Variants in ARAP2 observed in about 807,000 individuals in gnomAD.
ARAP2 encodes the protein ArfGAP with RhoGAP domain, ankyrin repeat and PH domain 2.
ARAP2 carries 148 observed loss-of-function variants against 194.5 expected under a neutral mutation model. The observed-to-expected ratio is 0.76, with a 90% CI of 0.67 to 0.87. The LOEUF is 0.87. Among genes scored for constraint, ARAP2 ranks in the 40% least tolerant of loss-of-function variants. The pLI is 0.00. For synonymous variants in ARAP2, 695 were observed against 683.5 expected, an observed-to-expected ratio of 1.02 and a Z score of -0.26; for missense variants, 2,128 against 1,989.7, an observed-to-expected ratio of 1.07 and a Z score of -1.32.
intron 2 of ARAP2, among the ~76,000 whole-genome samples, chr4:36,215,876 C>G (rs747334169): frequency 1.3e-4 from 20 of 151,744 alleles, no homozygotes; most frequent in Non-Finnish European, 2.7e-4. Flanking sequence ...ACAAAGCACA[C>G]ACACAAGAAC....
In ARAP2 at chr4:36,210,472, C is replaced by T; in HGVS notation, c.1405G>A (p.Ala469Thr). The change falls in exon 6 of 33, where the codon GCA (alanine) becomes ACA (threonine). Residue 469 changes from alanine (A) to threonine (T), a missense_variant. Physicochemically the swap from Ala to Thr is moderately conservative, Grantham distance 58 (BLOSUM62 0). Coordinates refer to ENST00000303965, the MANE Select transcript of ARAP2 (RefSeq NM_015230.4). Reference protein sequence around the residue: ...NADSSAVSSQAISPYACFYGA... With the variant: ...NADSSAVSSQTISPYACFYGA... ...TAAAAGCAGGCATAGGGAGATATTG[C>T]CTGTGAAGAAACGGCTGATGAATCA... 6.2e-7 allele frequency: 1 copy of T among 1,613,878 alleles called. No individual in the cohort carries two copies. The highest frequency in any genetic ancestry group is 8.5e-7 in the Non-Finnish European group (1 of 1,179,852).
At chr4:36,213,346 C>T (rs2109281355) in intron 3 of ARAP2, 27 bp from the exon 4 acceptor site, 1 of 1,479,616 alleles carries the variant, frequency 6.8e-7, no homozygotes, top group South Asian at 1.2e-5. Context: ...AGGATGAGAA[C>T]AGAAAGATGT....
intron 19 of ARAP2, 38 bp from the exon 20 acceptor site, chr4:36,133,427 C>T (rs763935456): frequency 2.6e-6 from 4 of 1,566,484 alleles, no homozygotes; most frequent in Non-Finnish European, 3.5e-6. Context: ...TATAATTTTG[C>T]TCTTTAAAAA....
chr4:36,112,958 G>C (rs1270554908), intron 26 of ARAP2, among the ~76,000 whole-genome samples: 1 of 151,880 alleles, frequency 6.6e-6, no homozygotes, highest in Non-Finnish European at 1.5e-5. Flanking sequence ...GGTAACATGA[G>C]AAAAGATGGC....
chr4:36,080,219 G>A lies in ARAP2; in HGVS notation c.4605C>T (p.Ala1535=). Reference sequence around the variant, plus strand: ...ATAGTTCAAACAAATCTCGTACCTGGGCAATAAAGATACTGGTCATCCACT... The same window carrying A: ...ATAGTTCAAACAAATCTCGTACCTGAGCAATAAAGATACTGGTCATCCACT... ...QTEWMTSIFI[A]QHEYDIWPPA... is the part of the protein sequence containing the mutation. The change falls in exon 31 of 33, where the codon GCC becomes GCT. Residue 1535 remains alanine, a synonymous_variant. Transcript: ENST00000303965. 6.2e-7 allele frequency: 1 copy of A among 1,612,340 alleles called. No homozygotes were observed. The highest frequency in any genetic ancestry group is 8.5e-7 in the Non-Finnish European group (1 of 1,178,796).
chr4:36,212,375 T>G, intron 5 of ARAP2, 21 bp downstream of exon 5: 2 of 1,560,588 alleles, frequency 1.3e-6, no homozygotes, highest in Non-Finnish European at 1.8e-6. Context: ...TAGTTAATCA[T>G]CATCAATCAT....
chr4:36,027,578 A>G (rs1027853601), intron 5 of ARAP2, among the ~76,000 whole-genome samples: 2 of 151,920 alleles, frequency 1.3e-5, no homozygotes, highest in Non-Finnish European at 2.9e-5. Context: ...AAAAATAACC[A>G]CAACAATAAC....
chr4:36,119,737 G>A lies in ARAP2; in HGVS notation c.3895-19C>T, dbSNP rs188770494. The A allele has an allele frequency of 3.4e-5, 52 of 1,530,698 alleles. No homozygotes were observed. Among genetic ancestry groups the A allele is most frequent in the East Asian group, 2.3e-4 (10 of 44,026 alleles). 94.8% of individuals were successfully genotyped at this position (1,530,698 alleles called of 1,614,324 possible). A position where few individuals can be genotyped will look rare whatever the true frequency, so the allele number is the denominator to read the frequency against. ...CTTTAACCTGTTTAAAATATAATTCGGGACATTCTAATAATGTAGAATACG... is the reference window on the plus strand; with the variant it reads ...CTTTAACCTGTTTAAAATATAATTCAGGACATTCTAATAATGTAGAATACG... On this transcript the variant is annotated intron_variant, in intron 23 of 32. Coordinates refer to ENST00000303965, the MANE Select transcript of ARAP2 (RefSeq NM_015230.4).
intron 3 of ARAP2, among the ~76,000 whole-genome samples, chr4:36,048,534 T>C (rs1722174428): frequency 6.6e-6 from 1 of 152,144 alleles, no homozygotes; most frequent in Non-Finnish European, 1.5e-5. Context: ...GCAAAGGACA[T>C]GATTTCCTTC....
intron 6 of ARAP2, among the ~76,000 whole-genome samples, chr4:36,198,390 T>C (rs1474595876): frequency 6.6e-6 from 1 of 152,234 alleles, no homozygotes; most frequent in African/African-American, 2.4e-5. Context: ...TCTGCAGGAC[T>C]AGCCGGCCCC....
intron 8 of ARAP2, among the ~76,000 whole-genome samples, chr4:36,013,174 T>C (rs1714860428): frequency 1.3e-5 from 2 of 152,172 alleles, no homozygotes; most frequent in South Asian, 4.1e-4. Context: ...AGTGTGGCCC[T>C]TGTCTATGAC....
Position 36,041,641 on chromosome 4 carries a change from A to G in ARAP2, n.607+4338T>C, listed in dbSNP as rs1195825219. On this transcript the variant is annotated intron_variant and non_coding_transcript_variant, in intron 5 of 12. Transcript: ENST00000503225. ...TATGGCAATTCTACAAAGAGCTAAA[A>G]GTAGAACTACCATCAACAATCCCAT... Among the ~76,000 whole-genome samples the G allele has an allele frequency of 4.6e-5, 7 of 152,232 alleles. No homozygotes were observed. In the East Asian group the frequency reaches 1.3e-3, roughly 29 times the overall value.
intron 6 of ARAP2, among the ~76,000 whole-genome samples, chr4:36,194,386 T>C (rs1036565597): frequency 2.6e-5 from 4 of 152,174 alleles, no homozygotes; most frequent in Non-Finnish European, 4.4e-5. Context: ...TCTCCTTCCC[T>C]GAAGGCAGAC....
At position 36,121,277 on chromosome 4, in the gene ARAP2, A is replaced by G; in HGVS notation, c.3796T>C (p.Leu1266=). 1.9e-6 allele frequency: 3 copies of G among 1,605,262 alleles called. No individual in the cohort carries two copies. The highest frequency in any genetic ancestry group is 2.6e-6 in the Non-Finnish European group (3 of 1,174,970). The change falls in exon 23 of 33, where the codon TTG becomes CTG. Residue 1266 remains leucine (L), a synonymous_variant. Transcript: ENST00000303965. ...INHMNAHNLA[L]VFSSCLFQTK... Reference sequence around the variant, plus strand: ...TGAAACAAACAGGATGAAAAGACCAAGGCCAAATTATGGGCATTCATGTGA... The same window carrying G: ...TGAAACAAACAGGATGAAAAGACCAGGGCCAAATTATGGGCATTCATGTGA...
At chr4:36,119,845 A>T (rs1722271789) in intron 23 of ARAP2, 127 bp from the exon 24 acceptor site, 1 of 602,042 alleles carries the variant, frequency 1.7e-6, no homozygotes, top group African/African-American at 1.9e-5. Flanking sequence ...GGCCATCGGA[A>T]TCAATATGAG....
rs1162593999 is a variant in ARAP2, at chr4:36,067,970, A to G, written c.5052T>C (p.Asn1684=). Residue 1684 remains asparagine, a synonymous_variant, in exon 33 of 33, where the codon AAT becomes AAC. Transcript: ENST00000303965. The part of the protein sequence containing the change: ...KLPSRVIEEL[N]VVLQRSRTLP... Reference sequence around the variant, plus strand: ...GGGTTCTTGACCGTTGTAGAACCACATTAAGTTCTTCAATTACCCTTGATG... The same window carrying G: ...GGGTTCTTGACCGTTGTAGAACCACGTTAAGTTCTTCAATTACCCTTGATG... 2 of 1,613,976 alleles carry G rather than the reference A, an allele frequency of 1.2e-6. No homozygotes were observed. The highest frequency in any genetic ancestry group is 1.3e-5 in the African/African-American group (1 of 74,938).
At chr4:36,239,047 G>A (rs1245205943) in intron 1 of ARAP2, among the ~76,000 whole-genome samples, 1 of 152,146 alleles carries the variant, frequency 6.6e-6, no homozygotes, top group Non-Finnish European at 1.5e-5. Context: ...AGGCCAAGGT[G>A]GGTGGATCAC....
At chr4:36,049,981 T>G (rs1722404219) in intron 3 of ARAP2, among the ~76,000 whole-genome samples, 1 of 152,168 alleles carries the variant, frequency 6.6e-6, no homozygotes, top group Non-Finnish European at 1.5e-5. Flanking sequence ...GGTAATTAGT[T>G]TTTTACTTAT....
intron 8 of ARAP2, among the ~76,000 whole-genome samples, chr4:36,181,992 C>A (rs981472500): frequency 2.0e-5 from 3 of 152,086 alleles, no homozygotes; most frequent in Non-Finnish European, 4.4e-5. Context: ...GAGGAGCAGG[C>A]TGGAGGAAGA....
Sources: allele counts gnomAD v4.1 joint callset (sites outside exome capture counted in the v4.1 genomes callset), GRCh38; gene constraint gnomAD v4.1.1; transcripts MANE v1.5; gene names NCBI Gene and HGNC (gene_info 2026-07-23, HGNC 2026-07-21).